Variants in ZNF668 observed in about 807,000 individuals in gnomAD.
ZNF668 encodes zinc finger protein 668.
ZNF668 carries 10 observed loss-of-function variants against 40.3 expected under a neutral mutation model. That is an observed-to-expected ratio of 0.25 (90% confidence interval 0.15 to 0.42). The LOEUF (loss-of-function observed/expected upper bound fraction) is 0.42. Among genes scored for constraint, ZNF668 ranks in the 10% least tolerant of loss-of-function variants. ZNF668 has a pLI of 1.00. For synonymous variants in ZNF668, 428 were observed against 384.6 expected (o/e 1.11, Z -1.32); for missense variants, 749 against 904.6 (o/e 0.83, Z 2.21).
chr16:31,061,721 C>T lies in ZNF668; in HGVS notation c.1207G>A (p.Val403Met). The change falls in exon 3 of 3, where the codon GTG (valine) becomes ATG (methionine). Residue 403 changes from valine to methionine, a missense_variant. Transcript: ENST00000300849. This position sits in a 1 kb window ranked among gnomAD's most constrained non-coding sequence, Gnocchi z 7.7. ...TCGTGCTTCCTCAGGCTCGACGACA[C>T]CACAAAGGATTTCCCACATGCGTTA... Reference protein sequence around the residue: ...HCNACGKSFVVSSSLRKHERT... With the variant: ...HCNACGKSFVMSSSLRKHERT... 1 of 1,613,706 alleles carries T rather than the reference C, an allele frequency of 6.2e-7. No individual in the cohort carries two copies. The highest frequency in any genetic ancestry group is 8.5e-7 in the Non-Finnish European group (1 of 1,179,904).
rs2057039449 is a variant in ZNF668, at chr16:31,073,812, A to C, written c.-176T>G. The C allele has an allele frequency of 6.6e-6, 1 of 152,202 alleles. No individual in the cohort carries two copies. The highest frequency in any genetic ancestry group is 1.5e-5 in the Non-Finnish European group (1 of 68,060). The allele number at this position is 152,202 out of a possible 1,614,324, so 9.4% of individuals were successfully genotyped here. A position where few individuals can be genotyped will look rare whatever the true frequency, so the allele number is the denominator to read the frequency against. On this transcript the variant is annotated 5_prime_UTR_variant, in exon 1 of 3. Coordinates refer to ENST00000300849, the MANE Select transcript of ZNF668 (RefSeq NM_024706.5). ...CGAGCGGAAGTGAGGGATCTTCCTC[A>C]GCTAGGAAGGAAGGGAAAGTTCCCG... is the stretch of plus-strand genomic sequence containing the variant.
chr16:31,069,286 C>CACACACAA (rs2056999155), intron 1 of ZNF668: 1 of 152,136 alleles, frequency 6.6e-6, no homozygotes. Flanking sequence ...CACACACACA[C>CACACACAA]ACACACACAC....
chr16:31,066,020 A>C (rs2143769772), intron 1 of ZNF668: 1 of 985,368 alleles, frequency 1.0e-6, no homozygotes, highest in East Asian at 1.1e-4. Context: ...GGGCGGGAGA[A>C]GCAGCTTACC....
chr16:31,062,452 G>T, intron 2 of ZNF668, 172 bp from the exon 3 acceptor site: 1 of 927,524 alleles, frequency 1.1e-6, no homozygotes, highest in Non-Finnish European at 1.6e-6. Flanking sequence ...CTGGCTGGGT[G>T]TCTCTATTCC....
chr16:31,067,356 A>G (rs111670773), intron 1 of ZNF668, among the ~76,000 whole-genome samples: 2,865 of 152,320 alleles, frequency 0.019, 38 homozygotes, highest in South Asian at 0.054. Flanking sequence ...GGAAAGTTCT[A>G]TTATTCCATT....
intron 2 of ZNF668, 62 bp from the exon 3 acceptor site, chr16:31,062,342 G>A: frequency 6.6e-7 from 1 of 1,525,296 alleles, no homozygotes; most frequent in Non-Finnish European, 8.8e-7. Context: ...CCCACTGCCT[G>A]TCTGGGCTGT....
intron 1 of ZNF668, chr16:31,066,065 G>T (rs1251573048): frequency 1.0e-6 from 1 of 985,258 alleles, no homozygotes; most frequent in African/African-American, 1.7e-5. Flanking sequence ...AGCCCCTGAC[G>T]CGTGGCAAGG....
chr16:31,063,233 G>C lies in ZNF668; in HGVS notation c.647+580C>G, dbSNP rs2056949367. On this transcript the variant is annotated intron_variant, in intron 2 of 2. Coordinates refer to ENST00000300849, the MANE Select transcript of ZNF668 (RefSeq NM_024706.5). Reference sequence around the variant, plus strand: ...CTGCAGCCTCGACCTCCCAGGCTCAGGCCATCCTCCCACCTTATCCTCCCA... The same window carrying C: ...CTGCAGCCTCGACCTCCCAGGCTCACGCCATCCTCCCACCTTATCCTCCCA... 2.6e-5 allele frequency among the ~76,000 whole-genome samples: 4 copies of C among 152,200 alleles called. No homozygotes were observed. In the South Asian group the frequency reaches 8.3e-4, roughly 32 times the overall value.
chr16:31,072,963 TGG>T (rs2057027706), intron 1 of ZNF668: 7 of 152,314 alleles, frequency 4.6e-5, no homozygotes, highest in Admixed American at 2.6e-4. Context: ...CACGCCGCTC[TGG>T]ACCTCAGTTT....
chr16:31,062,547 G>A (rs962297290), intron 2 of ZNF668: 54 of 422,540 alleles, frequency 1.3e-4, no homozygotes, highest in Non-Finnish European at 1.4e-4. Flanking sequence ...TTGGGAGGCC[G>A]AGGTCAGGAG....
chr16:31,063,491 C>T (rs2056951844), intron 2 of ZNF668, among the ~76,000 whole-genome samples: 1 of 152,052 alleles, frequency 6.6e-6, no homozygotes, highest in Admixed American at 6.6e-5. Flanking sequence ...CCTAGACAAA[C>T]CAGGCCCCAC....
At position 31,061,516 on chromosome 16, in the gene ZNF668, G is replaced by A. The variant is rs749800708; in HGVS notation, c.1412C>T (p.Ala471Val). The change falls in exon 3 of 3, where the codon GCC becomes GTC. Residue 471 changes from alanine (A) to valine (V), a missense_variant. Ala to Val is a moderately conservative substitution (Grantham distance 64). Transcript: ENST00000300849. The surrounding 1 kb of genome is among the most constrained non-coding windows in gnomAD (Gnocchi z 7.7). Reference sequence around the variant, plus strand: ...CATGCCCACCACCTGCCACTGTGTGGCCATCACACCACCTGACTCCGGGGG... The same window carrying A: ...CATGCCCACCACCTGCCACTGTGTGACCATCACACCACCTGACTCCGGGGG... ...GLPPESGGVM[A>V]TQWQVVGMTV... is the part of the protein sequence containing the mutation. The A allele has an allele frequency of 5.1e-5, 82 of 1,612,438 alleles. No homozygotes were observed. Among genetic ancestry groups the A allele is most frequent in the Non-Finnish European group, 6.8e-5 (80 of 1,179,980 alleles).
At position 31,068,242 on chromosome 16, in the gene ZNF668, ATAT is replaced by A. The variant is rs1567401585; in HGVS notation, c.-22-3764_-22-3762del. On this transcript the variant is annotated intron_variant, in intron 1 of 2. Coordinates refer to ENST00000300849, the MANE Select transcript of ZNF668 (RefSeq NM_024706.5). ...CATTAAAAAAAAAAAAAAAAAAAAT[ATAT>A]ATATATATATATATATATATAATTT... Among the ~76,000 whole-genome samples, 657 of 88,476 alleles carry A rather than the reference ATAT, an allele frequency of 7.4e-3. 29 individuals carry two copies. The highest frequency in any genetic ancestry group is 0.031 in the African/African-American group (610 of 19,484). 58.0% of individuals were successfully genotyped at this position (88,476 alleles called of 152,430 possible). A position where few individuals can be genotyped will look rare whatever the true frequency, so the allele number is the denominator to read the frequency against.
rs1306412271 is a variant in ZNF668, at chr16:31,061,897, G to A, written c.1031C>T (p.Thr344Met). The change falls in exon 3 of 3, where the codon ACG (threonine) becomes ATG (methionine). Residue 344 changes from threonine (T) to methionine (M), a missense_variant. Transcript: ENST00000300849. The surrounding 1 kb of genome is among the most constrained non-coding windows in gnomAD (Gnocchi z 7.7). Reference sequence around the variant, plus strand: ...CTTGAGGTCCCAGGACGCCACGAACGTCTTGTCACATTGCAGGCACTTGAA... The same window carrying A: ...CTTGAGGTCCCAGGACGCCACGAACATCTTGTCACATTGCAGGCACTTGAA... ...RPFKCLQCDK[T>M]FVASWDLKRH... 1 of 1,613,156 alleles carries A rather than the reference G, an allele frequency of 6.2e-7. No individual in the cohort carries two copies. The highest frequency in any genetic ancestry group is 8.5e-7 in the Non-Finnish European group (1 of 1,179,610).
intron 1 of ZNF668, among the ~76,000 whole-genome samples, chr16:31,068,595 T>A (rs1318937289): frequency 2.0e-5 from 3 of 150,112 alleles, no homozygotes; most frequent in African/African-American, 7.4e-5. Flanking sequence ...TCTGGATCAT[T>A]CCAGCCAATA....
At chr16:31,064,761 C>CT (rs2056969414) in intron 1 of ZNF668, 2 of 1,502,192 alleles carry the variant, frequency 1.3e-6, no homozygotes, top group South Asian at 2.5e-5. Flanking sequence ...TTTCCAAACA[C>CT]TGTGGCATTC....
intron 1 of ZNF668, among the ~76,000 whole-genome samples, chr16:31,071,994 C>G (rs1010472119): frequency 1.3e-5 from 2 of 152,182 alleles, no homozygotes; most frequent in Non-Finnish European, 2.9e-5. Context: ...GTAATTAAGG[C>G]TGAATGACGT....
In ZNF668 at chr16:31,068,220, T is replaced by TAAAAA. The variant is rs767511878; in HGVS notation, c.-22-3744_-22-3740dup. Among the ~76,000 whole-genome samples, 33 of 9,376 alleles carry TAAAAA rather than the reference T, an allele frequency of 3.5e-3. 5 individuals carry two copies. The highest frequency in any genetic ancestry group is 6.5e-3 in the East Asian group (2 of 310). The allele number at this position is 9,376 out of a possible 152,430, so 6.2% of individuals were successfully genotyped here. A position where few individuals can be genotyped will look rare whatever the true frequency, so the allele number is the denominator to read the frequency against. On this transcript the variant is annotated intron_variant, in intron 1 of 2. Coordinates refer to ENST00000300849, the MANE Select transcript of ZNF668 (RefSeq NM_024706.5). ...AGGTCTCTGTCTAACATCCCACCAT[T>TAAAAA]AAAAAAAAAAAAAAAAAAAATATAT...
At chr16:31,065,224 T>C (rs891341766) in intron 1 of ZNF668, 7 of 805,388 alleles carry the variant, frequency 8.7e-6, no homozygotes, top group Admixed American at 6.0e-5. Context: ...TGATCTAACA[T>C]GGCCTCCTGG....
Sources: allele counts gnomAD v4.1 joint callset (sites outside exome capture counted in the v4.1 genomes callset), GRCh38; gene constraint gnomAD v4.1.1; non-coding constraint Gnocchi (gnomAD v3.1); transcripts MANE v1.5; gene names NCBI Gene and HGNC (gene_info 2026-07-23, HGNC 2026-07-21).